Variants in ERMP1 observed in about 807,000 individuals in gnomAD.
ERMP1 encodes the protein Felix-ina.
A neutral mutation model predicts 92.0 loss-of-function variants in ERMP1; 86 were observed. The observed-to-expected ratio is 0.93, with a 90% CI of 0.79 to 1.12. The LOEUF is 1.12. Among genes scored for constraint, ERMP1 ranks in the 50% most tolerant of loss-of-function variants. The pLI is 0.00. For synonymous variants in ERMP1, 530 were observed against 412.8 expected, an observed-to-expected ratio of 1.28 and a Z score of -3.44; for missense variants, 1,342 against 1,116.3, an observed-to-expected ratio of 1.20 and a Z score of -2.88.
At chr9:5,841,047 C>A (rs1189452778) in intron 6 of ERMP1, among the ~76,000 whole-genome samples, 1 of 152,220 alleles carries the variant, frequency 6.6e-6, no homozygotes, top group Non-Finnish European at 1.5e-5. Flanking sequence ...TCTGCTCTCC[C>A]TACCCGTAGG....
chr9:5,807,125 T>C (rs562841073), intron 8 of ERMP1, among the ~76,000 whole-genome samples: 59 of 152,262 alleles, frequency 3.9e-4, no homozygotes, highest in African/African-American at 1.3e-3. Context: ...AGATAAAACA[T>C]CGCTCGAATC....
In ERMP1 at chr9:5,798,951, T is replaced by G; in HGVS notation, c.2125A>C (p.Ile709Leu). ...GTATAATCAAACCCATTGATCCATA[T>G]TCCAGAGTCCCGTTTAACTGCATTT... ...EGNAVKRDSG[I>L]WINGFDYTGI... Residue 709 changes from isoleucine to leucine, a missense_variant, in exon 12 of 15, where the codon ATA (isoleucine) becomes CTA (leucine). Physicochemically the swap from Ile to Leu is conservative, Grantham distance 5. Coordinates refer to ENST00000339450, the MANE Select transcript of ERMP1 (RefSeq NM_024896.3). The G allele has an allele frequency of 6.2e-7, 1 of 1,613,804 alleles. No individual in the cohort carries two copies. The highest frequency in any genetic ancestry group is 1.1e-5 in the South Asian group (1 of 91,074).
At chr9:5,839,417 G>A (rs1830130926) in intron 6 of ERMP1, among the ~76,000 whole-genome samples, 1 of 152,160 alleles carries the variant, frequency 6.6e-6, no homozygotes, top group Non-Finnish European at 1.5e-5. Flanking sequence ...CACACCCAGG[G>A]CTCTGTTTGA....
chr9:5,865,703 T>C, intron 5 of ERMP1, among the ~76,000 whole-genome samples: 1 of 150,432 alleles, frequency 6.6e-6, no homozygotes, highest in East Asian at 2.0e-4. Flanking sequence ...CTGGGCGTGG[T>C]GGTGCACGCC....
intron 13 of ERMP1, among the ~76,000 whole-genome samples, chr9:5,794,840 C>A (rs548118489): frequency 4.6e-5 from 7 of 152,154 alleles, no homozygotes; most frequent in Admixed American, 2.6e-4. Flanking sequence ...AGGAATTATA[C>A]TAATTCTCTA....
intron 6 of ERMP1, among the ~76,000 whole-genome samples, chr9:5,844,207 A>G (rs1830206268): frequency 1.3e-5 from 2 of 152,330 alleles, no homozygotes; most frequent in Middle Eastern, 3.4e-3. Flanking sequence ...CTTTCTGCCC[A>G]GACTCAGATG....
At chr9:5,824,147 A>G in intron 3 of ERMP1, 146 bp from the exon 4 acceptor site, 1 of 651,426 alleles carries the variant, frequency 1.5e-6, no homozygotes, top group Non-Finnish European at 2.6e-6. Context: ...ATCCAAAGAC[A>G]TCTTCTGCTT....
At position 5,822,789 on chromosome 9, in the gene ERMP1, G is replaced by A. The variant is rs1230438157; in HGVS notation, c.874+1107C>T. Among the ~76,000 whole-genome samples the A allele has an allele frequency of 3.3e-5, 5 of 152,182 alleles. No individual in the cohort carries two copies. In the East Asian group the frequency reaches 7.7e-4, roughly 24 times the overall value. Reference sequence around the variant, plus strand: ...AAAAAATCTATGAGCTCTGAATTTTGTTAATAAAGACAATTAAAACCCATT... The same window carrying A: ...AAAAAATCTATGAGCTCTGAATTTTATTAATAAAGACAATTAAAACCCATT... On this transcript the variant is annotated intron_variant, in intron 4 of 14. Coordinates refer to ENST00000339450, the MANE Select transcript of ERMP1 (RefSeq NM_024896.3).
At chr9:5,857,734 C>T (rs1375261153) in intron 6 of ERMP1, among the ~76,000 whole-genome samples, 2 of 152,186 alleles carry the variant, frequency 1.3e-5, no homozygotes, top group South Asian at 2.1e-4. Context: ...TATCATCCCA[C>T]GTTATCTGTA....
At chr9:5,819,330 T>C (rs562315637) in intron 4 of ERMP1, among the ~76,000 whole-genome samples, 1 of 152,196 alleles carries the variant, frequency 6.6e-6, no homozygotes, top group African/African-American at 2.4e-5. Flanking sequence ...AAAACTCCGA[T>C]AACGGAGCCA....
At position 5,822,587 on chromosome 9, in the gene ERMP1, A is replaced by G. The variant is rs566974272; in HGVS notation, c.874+1309T>C. On this transcript the variant is annotated intron_variant, in intron 4 of 14. Transcript: ENST00000339450. ...AATCAGGTCTTAAGAGGGTGCTACA[A>G]AACAAGTTCCCACATCATCTTACTT... 2.6e-5 allele frequency among the ~76,000 whole-genome samples: 4 copies of G among 152,346 alleles called. No individual in the cohort carries two copies. The East Asian group carries it at 7.7e-4, about 29-fold the overall frequency.
intron 6 of ERMP1, among the ~76,000 whole-genome samples, chr9:5,850,957 T>C (rs986955562): frequency 6.6e-6 from 1 of 152,168 alleles, no homozygotes; most frequent in African/African-American, 2.4e-5. Context: ...CTTTGATCAG[T>C]TACCTCACCC....
intron 13 of ERMP1, among the ~76,000 whole-genome samples, chr9:5,790,763 T>TAAAGAA (rs1485123960): frequency 1.3e-5 from 2 of 152,154 alleles, no homozygotes; most frequent in Non-Finnish European, 2.9e-5. Context: ...AACCACTTTA[T>TAAAGAA]AAAGAAAACT....
Position 5,832,982 on chromosome 9 carries a change from C to T in ERMP1, c.46G>A (p.Gly16Arg), listed in dbSNP as rs1358473891. The T allele has an allele frequency of 6.4e-7, 1 of 1,561,658 alleles. No individual in the cohort carries two copies. Among genetic ancestry groups the T allele is most frequent in the South Asian group, 1.2e-5 (1 of 86,714 alleles). ...GCCGCTCCCTCTCGACGCTCTACTC[C>T]GACGCGGTGCCGCCTCACAGCAGCC... ...ESAAVRRHRV[G>R]VERREGAAAA... The change falls in exon 1 of 15, where the codon GGA (glycine) becomes AGA (arginine). Residue 16 changes from glycine to arginine, a missense_variant. Transcript: ENST00000339450.
intron 8 of ERMP1, among the ~76,000 whole-genome samples, chr9:5,809,255 T>C (rs371005961): frequency 5.3e-4 from 79 of 150,388 alleles, no homozygotes; most frequent in Admixed American, 1.4e-3. Flanking sequence ...CTCCTGACCT[T>C]GTGATCCGCC....
At chr9:5,824,447 G>C (rs1042540439) in intron 3 of ERMP1, among the ~76,000 whole-genome samples, 1 of 152,120 alleles carries the variant, frequency 6.6e-6, no homozygotes, top group Non-Finnish European at 1.5e-5. Context: ...CTGTGGCCCA[G>C]GCTGGAGTGC....
chr9:5,827,749 G>A (rs944877713), intron 2 of ERMP1, among the ~76,000 whole-genome samples: 5 of 150,722 alleles, frequency 3.3e-5, no homozygotes, highest in African/African-American at 4.9e-5. Context: ...CCCGGGAGGC[G>A]GAGGTTGCAG....
chr9:5,811,985 C>G (rs1371459961), intron 6 of ERMP1, 140 bp downstream of exon 6: 4 of 549,910 alleles, frequency 7.3e-6, no homozygotes, highest in African/African-American at 3.8e-5. Flanking sequence ...AAGATCTCAT[C>G]TCTCCAACTC....
intron 6 of ERMP1, among the ~76,000 whole-genome samples, chr9:5,811,619 C>G (rs1006470200): frequency 1.3e-5 from 2 of 152,192 alleles, no homozygotes; most frequent in African/African-American, 4.8e-5. Context: ...TAGAACTATT[C>G]TCTGTGATCA....
Sources: allele counts gnomAD v4.1 joint callset (sites outside exome capture counted in the v4.1 genomes callset), GRCh38; gene constraint gnomAD v4.1.1; transcripts MANE v1.5; gene names NCBI Gene and HGNC (gene_info 2026-07-23, HGNC 2026-07-21).